IQSEC1: variants seen among roughly 807,000 people sequenced by gnomAD.
IQSEC1 encodes IQ motif and Sec7 domain ArfGEF 1.
Under a neutral mutation model 91.0 loss-of-function variants are expected in IQSEC1, and 31 were observed. The ratio of observed to expected loss-of-function variants is 0.34; its 90% CI spans 0.26 to 0.46. IQSEC1 has a LOEUF of 0.46. IQSEC1 is among the 20% of genes least tolerant of loss of function. The pLI, the probability that IQSEC1 is intolerant of heterozygous loss-of-function variation, is 1.00. For missense variants in IQSEC1, 1,388 were observed against 1,575.6 expected, an observed-to-expected ratio of 0.88 and a Z score of 2.02; for synonymous variants, 699 against 662.6, an observed-to-expected ratio of 1.05 and a Z score of -0.84.
At chr3:13,126,477 A>G (rs1055946131) in intron 2 of IQSEC1, among the ~76,000 whole-genome samples, 2 of 152,226 alleles carry the variant, frequency 1.3e-5, no homozygotes, top group Non-Finnish European at 1.5e-5. Flanking sequence ...TACACTGCTA[A>G]GTATGTTTGT....
chr3:12,990,977 T>C (rs375221795), intron 1 of IQSEC1, among the ~76,000 whole-genome samples: 5 of 152,330 alleles, frequency 3.3e-5, no homozygotes, highest in Admixed American at 1.3e-4. Context: ...TACACAGTTC[T>C]CTGAGTCACA....
chr3:13,242,846 G>T (rs188504750), intron 1 of IQSEC1, among the ~76,000 whole-genome samples: 1 of 152,214 alleles, frequency 6.6e-6, no homozygotes, highest in Non-Finnish European at 1.5e-5. Flanking sequence ...CTGGAGCAAA[G>T]GGAGAGAGGG....
chr3:12,988,481 A>G lies in IQSEC1; in HGVS notation c.24-46616T>C, dbSNP rs77045305. 2.5e-3 allele frequency among the ~76,000 whole-genome samples: 383 copies of G among 152,354 alleles called. 3 individuals carry two copies. Among genetic ancestry groups the G allele is most frequent in the African/African-American group, 8.8e-3 (366 of 41,588 alleles). On this transcript the variant is annotated intron_variant, in intron 1 of 13. Transcript: ENST00000613206. Reference sequence around the variant, plus strand: ...AAAAGAATGAACAGCAACTTATTGCATAGGTGAATCTCGCAGATGCAACTT... The same window carrying G: ...AAAAGAATGAACAGCAACTTATTGCGTAGGTGAATCTCGCAGATGCAACTT...
chr3:13,275,217 G>C (rs1039423495), intron 1 of IQSEC1, among the ~76,000 whole-genome samples: 2 of 152,236 alleles, frequency 1.3e-5, no homozygotes, highest in Admixed American at 1.3e-4. Context: ...CTCGGTTATT[G>C]CTGTGGCCTC....
intron 1 of IQSEC1, among the ~76,000 whole-genome samples, chr3:12,997,247 T>G (rs1702259612): frequency 6.6e-6 from 1 of 152,240 alleles, no homozygotes; most frequent in Admixed American, 6.5e-5. Context: ...TATGTAGATG[T>G]GTGTGGGAAT....
At chr3:12,931,872 C>T (rs773738553) in intron 3 of IQSEC1, among the ~76,000 whole-genome samples, 24 of 152,206 alleles carry the variant, frequency 1.6e-4, no homozygotes, top group Admixed American at 1.2e-3. Context: ...CTCAGAGGCC[C>T]CTGTGGAAAG....
At chr3:12,972,129 T>C (rs1700933205) in intron 1 of IQSEC1, among the ~76,000 whole-genome samples, 1 of 150,602 alleles carries the variant, frequency 6.6e-6, no homozygotes, top group Non-Finnish European at 1.5e-5. Flanking sequence ...GGGCAACATG[T>C]CAAAATCCCA....
chr3:13,278,834 T>TG lies in IQSEC1; in HGVS notation c.272+3876dup, dbSNP rs369219000. Among the ~76,000 whole-genome samples the TG allele has an allele frequency of 6.6e-3, 622 of 94,180 alleles. 5 individuals carry two copies. The highest frequency in any genetic ancestry group is 0.019 in the African/African-American group (583 of 30,102). The allele number at this position is 94,180 out of a possible 152,430, so 61.8% of individuals were successfully genotyped here. ...GACTCCGTCTTGGTGAGGGGCAGGG[T>TG]GGGGGGGGACAGGGAAGAGCAGGGA... On this transcript the variant is annotated intron_variant, in intron 1 of 15. Transcript: ENST00000648114.
intron 1 of IQSEC1, among the ~76,000 whole-genome samples, chr3:13,225,518 T>A (rs1694736670): frequency 6.6e-6 from 1 of 152,234 alleles, no homozygotes; most frequent in African/African-American, 2.4e-5. Context: ...CAAGCATACA[T>A]TCACTTGGCA....
At chr3:13,145,080 G>A (rs13087048) in intron 2 of IQSEC1, among the ~76,000 whole-genome samples, 1 of 152,216 alleles carries the variant, frequency 6.6e-6, no homozygotes, top group East Asian at 1.9e-4. Context: ...TTCCACCTGT[G>A]AAGGGTGGGG....
chr3:13,020,243 C>T (rs1473958150), intron 1 of IQSEC1, among the ~76,000 whole-genome samples: 4 of 152,192 alleles, frequency 2.6e-5, no homozygotes, highest in South Asian at 2.1e-4. Context: ...AGGTCTATCC[C>T]GGGGTCTGGG....
At chr3:13,009,363 C>T (rs1559716171) in intron 1 of IQSEC1, among the ~76,000 whole-genome samples, 1 of 152,112 alleles carries the variant, frequency 6.6e-6, no homozygotes, top group Admixed American at 6.5e-5. Context: ...AGGCTGATTT[C>T]TGACATGGTG....
intron 1 of IQSEC1, among the ~76,000 whole-genome samples, chr3:13,071,167 G>C (rs60142266): frequency 3.9e-5 from 4 of 101,876 alleles, no homozygotes; most frequent in East Asian, 3.1e-4. Flanking sequence ...TTTTTTTTTT[G>C]TTTGTTTCTT....
chr3:12,955,331 G>A (rs966319364), intron 1 of IQSEC1, among the ~76,000 whole-genome samples: 2 of 152,238 alleles, frequency 1.3e-5, no homozygotes, highest in African/African-American at 4.8e-5. Context: ...CAGGAGGCCT[G>A]CCGGGCTGGG....
chr3:13,218,690 G>A (rs946014833), intron 1 of IQSEC1, among the ~76,000 whole-genome samples: 3 of 152,218 alleles, frequency 2.0e-5, no homozygotes, highest in Admixed American at 1.3e-4. Context: ...AGGCCCAGAG[G>A]TGTCTGTCGG....
intron 2 of IQSEC1, among the ~76,000 whole-genome samples, chr3:13,096,864 C>CTTTTT (rs71066943): frequency 1.4e-5 from 2 of 142,440 alleles, no homozygotes; most frequent in Admixed American, 7.0e-5. Context: ...TTCTTTCTTT[C>CTTTTT]TTTTTTTTTT....
chr3:13,177,585 A>G (rs1693760026), intron 1 of IQSEC1, among the ~76,000 whole-genome samples: 1 of 152,010 alleles, frequency 6.6e-6, no homozygotes, highest in East Asian at 1.9e-4. Flanking sequence ...ATCCCTGTGG[A>G]CAGAGGTGTC....
chr3:13,107,989 T>C (rs967376294), intron 2 of IQSEC1, among the ~76,000 whole-genome samples: 1 of 152,144 alleles, frequency 6.6e-6, no homozygotes, highest in African/African-American at 2.4e-5. Flanking sequence ...GCCACTCGTA[T>C]CTTATGGCTA....
At chr3:13,145,801 G>A (rs1706881829) in intron 2 of IQSEC1, among the ~76,000 whole-genome samples, 1 of 105,386 alleles carries the variant, frequency 9.5e-6, no homozygotes, top group South Asian at 4.8e-4. Context: ...GGGCGCCCGG[G>A]GGCGGGGGGG....
Sources: allele counts gnomAD v4.1 joint callset (sites outside exome capture counted in the v4.1 genomes callset), GRCh38; gene constraint gnomAD v4.1.1; transcripts MANE v1.5; gene names NCBI Gene and HGNC (gene_info 2026-07-23, HGNC 2026-07-21).